Variants in RBFOX1 observed in about 807,000 individuals in gnomAD.
RBFOX1 encodes RNA binding fox-1 homolog 1.
In RBFOX1, 8 loss-of-function variants were observed where a neutral mutation model predicts 57.7. That is an observed-to-expected ratio of 0.14 (90% CI 0.08 to 0.25). The LOEUF (loss-of-function observed/expected upper bound fraction) is 0.25, where lower values mean the gene tolerates loss of function less well. RBFOX1 is among the 10% of genes least tolerant of loss of function. The probability of loss-of-function intolerance (pLI) is 1.00; values close to 1 mark genes in which losing one functional copy is unlikely to be tolerated. For missense variants in RBFOX1, 611 were observed against 548.5 expected (o/e 1.11, Z -1.14); for synonymous variants, 326 against 222.4 (o/e 1.47, Z -4.15).
chr16:6,356,587 C>G (rs895768974), intron 2 of RBFOX1, among the ~76,000 whole-genome samples: 5 of 152,080 alleles, frequency 3.3e-5, no homozygotes, highest in African/African-American at 1.2e-4. Flanking sequence ...AGCAGTACAT[C>G]TTACAACCGT....
intron 1 of RBFOX1, among the ~76,000 whole-genome samples, chr16:5,439,122 C>T (rs116091649): frequency 1.3e-5 from 2 of 151,792 alleles, no homozygotes; most frequent in Non-Finnish European, 2.9e-5. Flanking sequence ...AGAAGCCAGC[C>T]TTGGGGAGAT....
At chr16:6,540,176 T>G (rs1441896278) in intron 2 of RBFOX1, among the ~76,000 whole-genome samples, 1 of 152,146 alleles carries the variant, frequency 6.6e-6, no homozygotes, top group Non-Finnish European at 1.5e-5. Context: ...TTTGTGAATC[T>G]GAGGTCTATC....
At chr16:6,276,028 T>C (rs919369836) in intron 1 of RBFOX1, among the ~76,000 whole-genome samples, 1 of 152,220 alleles carries the variant, frequency 6.6e-6, no homozygotes, top group Non-Finnish European at 1.5e-5. Flanking sequence ...AGCTATTCTT[T>C]AATTGTACAG....
At chr16:7,380,385 CAT>C (rs2097765208) in intron 4 of RBFOX1, among the ~76,000 whole-genome samples, 1 of 152,122 alleles carries the variant, frequency 6.6e-6, no homozygotes, top group Admixed American at 6.5e-5. Flanking sequence ...ACATTTAGAA[CAT>C]ATATGCTTAA....
chr16:5,670,261 T>C (rs1017832930), intron 3 of RBFOX1, among the ~76,000 whole-genome samples: 3 of 152,246 alleles, frequency 2.0e-5, no homozygotes, highest in Admixed American at 1.3e-4. Flanking sequence ...ATAGCGATGA[T>C]GGTTGCTTAA....
chr16:6,512,256 C>G (rs571998218), intron 2 of RBFOX1, among the ~76,000 whole-genome samples: 66 of 109,956 alleles, frequency 6.0e-4, no homozygotes, highest in African/African-American at 2.2e-3. Flanking sequence ...TGCATTCCAG[C>G]CTGGGTAACA....
intron 5 of RBFOX1, among the ~76,000 whole-genome samples, chr16:7,557,101 C>T (rs569977643): frequency 3.3e-5 from 5 of 151,986 alleles, no homozygotes; most frequent in African/African-American, 7.3e-5. Flanking sequence ...GTCCACAGAG[C>T]GAGTATTATA....
chr16:7,391,551 C>A (rs1236915527), intron 4 of RBFOX1, among the ~76,000 whole-genome samples: 2 of 152,204 alleles, frequency 1.3e-5, no homozygotes, highest in Non-Finnish European at 2.9e-5. Flanking sequence ...ACTTCCTTGA[C>A]CTCACTGACT....
intron 2 of RBFOX1, among the ~76,000 whole-genome samples, chr16:6,377,165 C>G (rs534473210): frequency 6.6e-6 from 1 of 150,898 alleles, no homozygotes; most frequent in African/African-American, 2.4e-5. Flanking sequence ...GGCCCAGCTA[C>G]TTGGAGGCTG....
chr16:5,308,456 A>G (rs2063996208), intron 1 of RBFOX1, among the ~76,000 whole-genome samples: 1 of 152,152 alleles, frequency 6.6e-6, no homozygotes, highest in African/African-American at 2.4e-5. Context: ...TAATATTTAT[A>G]TATTGCCAGT....
At chr16:5,673,886 C>G (rs183179888) in intron 3 of RBFOX1, among the ~76,000 whole-genome samples, 44 of 152,328 alleles carry the variant, frequency 2.9e-4, no homozygotes, top group African/African-American at 1.0e-3. Flanking sequence ...CTGCTTCAGC[C>G]TTCAGCTTTT....
At chr16:5,963,929 C>T (rs1467857079) in intron 4 of RBFOX1, among the ~76,000 whole-genome samples, 1 of 152,098 alleles carries the variant, frequency 6.6e-6, no homozygotes, top group African/African-American at 2.4e-5. Flanking sequence ...AAAGTTTTTG[C>T]ATAGCAAAGG....
At chr16:6,647,772 G>T (rs80112664) in intron 2 of RBFOX1, among the ~76,000 whole-genome samples, 6,941 of 152,150 alleles carry the variant, frequency 0.046, 214 homozygotes, top group Non-Finnish European at 0.071. Context: ...ATCTTGCTCT[G>T]TCACTAGGTT....
At chr16:7,155,734 TATATACACACACACACAC>T in intron 4 of RBFOX1, among the ~76,000 whole-genome samples, 1 of 82,466 alleles carries the variant, frequency 1.2e-5, no homozygotes, top group Non-Finnish European at 2.3e-5. Flanking sequence ...TATATATATA[TATATACACACACACACAC>T]ACACACACAC....
rs530203127 is a variant in RBFOX1 at position 7,298,539 on chromosome 16, G to A, written c.28-219608G>A. Among the ~76,000 whole-genome samples, 14 of 152,094 alleles carry A rather than the reference G, an allele frequency of 9.2e-5. No homozygotes were observed. In the East Asian group the frequency reaches 2.1e-3, roughly 23 times the overall value. On this transcript the variant is annotated intron_variant, in intron 4 of 15. Transcript: ENST00000550418. ...ACTCCTGTCCTTAAGTGATCCACTC[G>A]CCTTGGCCTCCCAAAGTGCCGGGAT... is the stretch of plus-strand genomic sequence containing the variant.
chr16:7,112,534 T>C (rs1402651132), intron 4 of RBFOX1, among the ~76,000 whole-genome samples: 1 of 152,070 alleles, frequency 6.6e-6, no homozygotes, highest in East Asian at 1.9e-4. Flanking sequence ...ACATATATTG[T>C]CCATCAAGTC....
At chr16:7,134,004 A>G (rs539839225) in intron 4 of RBFOX1, among the ~76,000 whole-genome samples, 275 of 152,334 alleles carry the variant, frequency 1.8e-3, no homozygotes, top group Middle Eastern at 3.4e-3. Context: ...AAGCCTTGCA[A>G]TATTTGAAGT....
intron 4 of RBFOX1, among the ~76,000 whole-genome samples, chr16:7,136,956 C>G (rs1400171586): frequency 6.6e-6 from 1 of 152,172 alleles, no homozygotes; most frequent in Non-Finnish European, 1.5e-5. Flanking sequence ...GGCCCATGGG[C>G]CAGGACTGGA....
chr16:6,210,377 A>AAAAAAAAAAAAAG (rs1555552426), intron 1 of RBFOX1, among the ~76,000 whole-genome samples: 2 of 128,438 alleles, frequency 1.6e-5, no homozygotes, highest in Admixed American at 1.7e-4. Context: ...AAAAAAAAAA[A>AAAAAAAAAAAAAG]AGAGAAAGGA....
Sources: allele counts gnomAD v4.1 joint callset (sites outside exome capture counted in the v4.1 genomes callset), GRCh38; gene constraint gnomAD v4.1.1; transcripts MANE v1.5; gene names NCBI Gene and HGNC (gene_info 2026-07-23, HGNC 2026-07-21).